The following PSMA2 variants were observed in gnomAD, a reference collection of about 807,000 sequenced individuals.
PSMA2 encodes proteasome 20S subunit alpha 2.
A neutral mutation model predicts 35.9 loss-of-function variants in PSMA2; 2 were observed. That is an observed-to-expected ratio of 0.06 (90% CI 0.02 to 0.18). The LOEUF (loss-of-function observed/expected upper bound fraction) is 0.18, where lower values mean the gene tolerates loss of function less well. Among genes scored for constraint, PSMA2 ranks in the 10% least tolerant of loss-of-function variants. PSMA2 has a pLI of 1.00. For missense variants in PSMA2, 126 were observed against 278.8 expected (o/e 0.45, Z 3.90); for synonymous variants, 97 against 98.2 (o/e 0.99, Z 0.07).
chr7:42,930,544 G>A (rs1786286896), intron 1 of PSMA2, among the ~76,000 whole-genome samples: 2 of 151,814 alleles, frequency 1.3e-5, no homozygotes, highest in Non-Finnish European at 2.9e-5. Context: ...GAGTCACCCT[G>A]CCTGGCCAAA....
At chr7:42,928,745 A>G (rs1051976232) in intron 1 of PSMA2, among the ~76,000 whole-genome samples, 54 of 151,858 alleles carry the variant, frequency 3.6e-4, no homozygotes, top group African/African-American at 1.3e-3. Context: ...TCAAATCTCA[A>G]CTCCATCCCT....
chr7:42,924,637 C>A (rs1323824867), intron 4 of PSMA2, 38 bp downstream of exon 4: 1 of 1,586,484 alleles, frequency 6.3e-7, no homozygotes, highest in African/African-American at 1.4e-5. Context: ...CTTCCCCCTA[C>A]AATTCATGGC....
intron 1 of PSMA2, 137 bp downstream of exon 1, chr7:42,931,981 G>A (rs1445981342): frequency 3.9e-5 from 46 of 1,182,424 alleles, no homozygotes; most frequent in Non-Finnish European, 5.2e-5. Context: ...AAATGACTTT[G>A]CAAAGCCGCA....
At chr7:42,926,081 T>C (rs1426997915) in intron 3 of PSMA2, among the ~76,000 whole-genome samples, 1 of 152,234 alleles carries the variant, frequency 6.6e-6, no homozygotes, top group Non-Finnish European at 1.5e-5. Context: ...CTTGCAGTGG[T>C]GTTTGAGAAT....
intron 3 of PSMA2, among the ~76,000 whole-genome samples, chr7:42,925,688 C>T (rs1786201458): frequency 2.0e-5 from 3 of 152,162 alleles, no homozygotes; most frequent in Admixed American, 1.3e-4. Flanking sequence ...TCTTTGCCAG[C>T]TCATATACTA....
intron 6 of PSMA2, chr7:42,919,292 CAA>C: frequency 3.3e-6 from 2 of 612,142 alleles, no homozygotes; most frequent in South Asian, 1.4e-5. Flanking sequence ...GCAGATTTCA[CAA>C]AGTGTGGGAT....
chr7:42,924,751 C>A lies in PSMA2; in HGVS notation c.298G>T (p.Val100Leu), dbSNP rs775538034. ...GCTGTAGGAATGGGTTCTTGGTACA[C>A]AAGATAGTATTGTTGAGCTAGTTTT... ...ARKLAQQYYL[V>L]YQEPIPTAQL... The change falls in exon 4 of 8, where the codon GTG becomes TTG. Residue 100 changes from valine (V) to leucine (L), a missense_variant. By Grantham distance (32) the Val-to-Leu change is conservative. Coordinates refer to ENST00000223321, the MANE Select transcript of PSMA2 (RefSeq NM_002787.5). 6.2e-7 allele frequency: 1 copy of A among 1,613,240 alleles called. No homozygotes were observed. Among genetic ancestry groups the A allele is most frequent in the Non-Finnish European group, 8.5e-7 (1 of 1,179,418 alleles).
intron 4 of PSMA2, among the ~76,000 whole-genome samples, chr7:42,923,930 T>C (rs946697073): frequency 1.8e-4 from 28 of 152,242 alleles, no homozygotes; most frequent in African/African-American, 6.5e-4. Context: ...TCCACTAGGT[T>C]TACGTATCAA....
chr7:42,923,465 G>T, intron 4 of PSMA2, 59 bp from the exon 5 acceptor site: 1 of 1,312,514 alleles, frequency 7.6e-7, no homozygotes, highest in South Asian at 1.2e-5. Context: ...TCATCCTCAA[G>T]AATTTATCAG....
intron 6 of PSMA2, chr7:42,919,735 C>A: frequency 1.6e-6 from 1 of 608,096 alleles, no homozygotes; most frequent in South Asian, 1.7e-5. Flanking sequence ...CTCTGAATCT[C>A]TTCACCTTGA....
chr7:42,928,015 T>C (rs904971236), intron 1 of PSMA2, among the ~76,000 whole-genome samples: 2 of 152,188 alleles, frequency 1.3e-5, no homozygotes, highest in African/African-American at 4.8e-5. Flanking sequence ...GTCTGCCACA[T>C]GGAGCAGTGG....
rs1786100512 is a variant in PSMA2 at position 42,919,972 on chromosome 7, G to C, written c.530+1886C>G. Reference sequence around the variant, plus strand: ...TTGGAAATGTGTGCTTCCTGAAGAAGATACTGGTGAGCTGGCAAAGCCAAA... The same window carrying C: ...TTGGAAATGTGTGCTTCCTGAAGAACATACTGGTGAGCTGGCAAAGCCAAA... On this transcript the variant is annotated intron_variant, in intron 6 of 7. Transcript: ENST00000223321. 34 of 742,394 alleles carry C rather than the reference G, an allele frequency of 4.6e-5. 1 individual carries two copies. Among genetic ancestry groups the C allele is most frequent in the Non-Finnish European group, 2.5e-6 (1 of 394,864 alleles). 46.0% of individuals were successfully genotyped at this position (742,394 alleles called of 1,614,324 possible).
intron 7 of PSMA2, 28 bp downstream of exon 7, chr7:42,917,750 A>G (rs747985250): frequency 6.8e-6 from 11 of 1,610,996 alleles, no homozygotes; most frequent in Non-Finnish European, 7.6e-6. Context: ...AAATCATTAT[A>G]AATCCAGTTG....
At position 42,930,878 on chromosome 7, in the gene PSMA2, C is replaced by G. The variant is rs1019371405; in HGVS notation, c.41+1240G>C. Among the ~76,000 whole-genome samples the G allele has an allele frequency of 4.6e-5, 7 of 152,238 alleles. No homozygotes were observed. In the East Asian group the frequency reaches 1.4e-3, roughly 29 times the overall value. On this transcript the variant is annotated intron_variant, in intron 1 of 7. Coordinates refer to ENST00000223321, the MANE Select transcript of PSMA2 (RefSeq NM_002787.5). ...ATAGGAACAGTGAATACATCCTGCACACACTATTCTGTCATATGTAATATA... is the reference window on the plus strand; with the variant it reads ...ATAGGAACAGTGAATACATCCTGCAGACACTATTCTGTCATATGTAATATA...
At chr7:42,922,063 A>G in intron 5 of PSMA2, 132 bp from the exon 6 acceptor site, 1 of 685,562 alleles carries the variant, frequency 1.5e-6, no homozygotes, top group Non-Finnish European at 2.4e-6. Flanking sequence ...TAGAATGGAA[A>G]ACGTCACAGA....
At chr7:42,927,357 C>A (rs1159624914) in intron 2 of PSMA2, 26 bp downstream of exon 2, 1 of 1,585,624 alleles carries the variant, frequency 6.3e-7, no homozygotes, top group East Asian at 2.2e-5. Flanking sequence ...TAACAGGCAT[C>A]TGAAATGAAT....
chr7:42,924,335 C>T (rs1446094205), intron 4 of PSMA2, among the ~76,000 whole-genome samples: 1 of 106,968 alleles, frequency 9.3e-6, no homozygotes, highest in Non-Finnish European at 1.7e-5. Context: ...GCCTGGGCGA[C>T]AGAGTGAGAC....
chr7:42,917,578 G>A lies in PSMA2; in HGVS notation c.701C>T (p.Ala234Val). 1 of 1,608,842 alleles carries A rather than the reference G, an allele frequency of 6.2e-7. No homozygotes were observed. The highest frequency in any genetic ancestry group is 8.5e-7 in the Non-Finnish European group (1 of 1,176,816). Residue 234 changes from alanine to valine, a missense_variant, in exon 8 of 8, where the codon GCA becomes GTA. This residue lies in a region of PSMA2 where 42 missense variants were observed against 83.6 expected (regional missense o/e 0.50). Transcript: ENST00000223321. ...TEVKDYLAAI[A>V] The stretch of plus-strand genomic sequence containing the variant: ...GATTTTTCAGTCACTTCATTGTTAT[G>A]CTATGGCAGCCAAGTAATCCTTAAC...
At chr7:42,917,887 T>A (rs763755383) in intron 6 of PSMA2, 52 bp from the exon 7 acceptor site, 447 of 1,251,264 alleles carry the variant, frequency 3.6e-4, no homozygotes, top group Non-Finnish European at 4.8e-4. Context: ...TCTTTATAAC[T>A]ATTTAAATAC....
Sources: gnomAD v4.1 joint callset for allele counts (sites outside exome capture counted in the v4.1 genomes callset) on GRCh38, gnomAD v4.1.1 for gene constraint, gnomAD v4.1.1 regional missense constraint, MANE v1.5 for transcripts, NCBI Gene and HGNC (gene_info 2026-07-23, HGNC 2026-07-21) for gene names.